The following ALLC variants were observed in gnomAD, a reference collection of about 807,000 sequenced individuals.
ALLC encodes the protein allantoicase, also known as probable inactive allantoicase.
ALLC carries 40 observed loss-of-function variants against 45.0 expected under a neutral mutation model. That is an observed-to-expected ratio of 0.89 (90% CI 0.69 to 1.16). ALLC has a LOEUF of 1.16. Among genes scored for constraint, ALLC ranks in the 50% most tolerant of loss-of-function variants. ALLC has a pLI of 0.00. For synonymous variants in ALLC, 176 were observed against 178.1 expected, an observed-to-expected ratio of 0.99 and a Z score of 0.09; for missense variants, 488 against 493.1, an observed-to-expected ratio of 0.99 and a Z score of 0.10.
At position 3,689,947 on chromosome 2, in the gene ALLC, C is replaced by CA. The variant is rs1558545475; in HGVS notation, c.512-5770_512-5769insA. ...CATTTATCATTATACAGTGTCTTGT[C>CA]TTTTTTTTTTTTTAACAGTCTTTGA... On this transcript the variant is annotated intron_variant, in intron 7 of 11. Transcript: ENST00000252505. Among the ~76,000 whole-genome samples the CA allele has an allele frequency of 2.2e-5, 3 of 137,812 alleles. No individual in the cohort carries two copies. The East Asian group carries it at 7.0e-4, about 32-fold the overall frequency. 90.4% of individuals were successfully genotyped at this position (137,812 alleles called of 152,430 possible). A position where few individuals can be genotyped will look rare whatever the true frequency, so the allele number is the denominator to read the frequency against.
chr2:3,649,952 C>T, the ALLC span, among the ~76,000 whole-genome samples: 8 of 152,248 alleles, frequency 5.3e-5, no homozygotes, highest in Admixed American at 1.3e-4. Context: ...ACTTGCTGCC[C>T]GTAGCTTCCC....
intron 6 of ALLC, among the ~76,000 whole-genome samples, chr2:3,682,331 A>G (rs1043566796): frequency 1.3e-5 from 2 of 152,116 alleles, no homozygotes; most frequent in Non-Finnish European, 2.9e-5. Context: ...TCACCTCACC[A>G]CACCTCAAGG....
At chr2:3,649,852 C>CA in the ALLC span, among the ~76,000 whole-genome samples, 550 of 152,370 alleles carry the variant, frequency 3.6e-3, 6 homozygotes, top group African/African-American at 0.013. Context: ...GGAGAACAAA[C>CA]AGACGCCACA....
Position 3,680,783 on chromosome 2 carries a change from T to C in ALLC, c.298+789T>C, listed in dbSNP as rs559038044. Among the ~76,000 whole-genome samples, 1 of 152,242 alleles carries C rather than the reference T, an allele frequency of 6.6e-6. No individual in the cohort carries two copies. Among genetic ancestry groups the C allele is most frequent in the South Asian group, 2.1e-4 (1 of 4,826 alleles). ...GAAGAGGGCGGTGTGCGTCACAGCC[T>C]CTGATTTGTGCGATAATATCAAGGT... On this transcript the variant is annotated intron_variant, in intron 5 of 11. Transcript: ENST00000252505. This position sits in a 1 kb window ranked among gnomAD's most constrained non-coding sequence, Gnocchi z 4.0.
chr2:3,685,014 C>T (rs1198390968), intron 7 of ALLC, among the ~76,000 whole-genome samples: 1 of 152,174 alleles, frequency 6.6e-6, no homozygotes, highest in Non-Finnish European at 1.5e-5. Context: ...AACAGTGTCA[C>T]AGTAAACTTG....
At chr2:3,659,612 G>A (rs1450734394) in intron 1 of ALLC, among the ~76,000 whole-genome samples, 3 of 152,204 alleles carry the variant, frequency 2.0e-5, no homozygotes, top group East Asian at 1.9e-4. Context: ...AGCCGAGGTC[G>A]CGTGGCTCCT....
chr2:3,671,868 G>A (rs1245096499), intron 2 of ALLC, among the ~76,000 whole-genome samples: 3 of 141,100 alleles, frequency 2.1e-5, no homozygotes, highest in Admixed American at 6.9e-5. Context: ...TAGATGGGAG[G>A]TCCTCTGGCT....
At chr2:3,647,324 TACAC>T in the ALLC span, among the ~76,000 whole-genome samples, 9 of 147,676 alleles carry the variant, frequency 6.1e-5, no homozygotes, top group Middle Eastern at 3.4e-3. Context: ...CACACACACA[TACAC>T]ACACGATTAA....
At chr2:3,682,588 C>T (rs571437905) in intron 6 of ALLC, among the ~76,000 whole-genome samples, 8 of 152,266 alleles carry the variant, frequency 5.3e-5, no homozygotes, top group East Asian at 1.9e-4. Flanking sequence ...TGCAGGGGCG[C>T]GATCTCGGCT....
At chr2:3,673,980 T>C (rs920974594) in intron 2 of ALLC, 95 bp from the exon 3 acceptor site, 31 of 985,340 alleles carry the variant, frequency 3.1e-5, no homozygotes, top group Non-Finnish European at 4.6e-5. Context: ...CACGTTTTCT[T>C]TTTACTTCAT....
At chr2:3,663,769 A>T (rs1333542506) in intron 1 of ALLC, among the ~76,000 whole-genome samples, 1 of 152,258 alleles carries the variant, frequency 6.6e-6, no homozygotes, top group Non-Finnish European at 1.5e-5. Context: ...TTAATAAGAA[A>T]GGATATTGAA....
At position 3,678,572 on chromosome 2, in the gene ALLC, G is replaced by T. The variant is rs142002172; in HGVS notation, c.172+17G>T. On this transcript the variant is annotated intron_variant, in intron 4 of 11. Coordinates refer to ENST00000252505, the MANE Select transcript of ALLC (RefSeq NM_018436.4). Reference sequence around the variant, plus strand: ...GGATTCCAGGTAATAACAACGGTTCGTTCATCGAAGTGCAGCTGACACTGC... The same window carrying T: ...GGATTCCAGGTAATAACAACGGTTCTTTCATCGAAGTGCAGCTGACACTGC... The T allele has an allele frequency of 6.2e-7, 1 of 1,604,350 alleles. No individual in the cohort carries two copies. The highest frequency in any genetic ancestry group is 1.1e-5 in the South Asian group (1 of 90,766).
At chr2:3,662,020 G>A (rs1666589963) in intron 1 of ALLC, among the ~76,000 whole-genome samples, 1 of 150,758 alleles carries the variant, frequency 6.6e-6, no homozygotes, top group South Asian at 2.1e-4. Context: ...GACCTCCCAA[G>A]GCCTCTCTCA....
At chr2:3,691,526 G>A (rs1201977288) in intron 7 of ALLC, among the ~76,000 whole-genome samples, 3 of 151,944 alleles carry the variant, frequency 2.0e-5, no homozygotes, top group African/African-American at 7.3e-5. Flanking sequence ...ACCTCCCAAA[G>A]TGCTGGAATT....
intron 2 of ALLC, among the ~76,000 whole-genome samples, chr2:3,672,022 A>AGGTCCTCTGGCTCTAGTTAGACCTGT (rs1666889990): frequency 1.0e-5 from 1 of 99,670 alleles, no homozygotes; most frequent in Non-Finnish European, 2.0e-5. Context: ...GTTAGATCCG[A>AGGTCCTCTGGCTCTAGTTAGACCTGT]GGTCCTCTGG....
At chr2:3,655,652 G>T (rs1666421374), upstream of ALLC, among the ~76,000 whole-genome samples, 1 of 152,074 alleles carries the variant, frequency 6.6e-6, no homozygotes, top group African/African-American at 2.4e-5. Flanking sequence ...CAGAGATGGG[G>T]TCTCACTGTG....
At chr2:3,673,443 G>T (rs1016397513) in intron 2 of ALLC, among the ~76,000 whole-genome samples, 1 of 152,214 alleles carries the variant, frequency 6.6e-6, no homozygotes, top group Non-Finnish European at 1.5e-5. Context: ...GAAACAGCTC[G>T]TCCTTCCTGC....
intron 1 of ALLC, among the ~76,000 whole-genome samples, chr2:3,666,191 G>T (rs1572506418): frequency 6.6e-6 from 1 of 152,264 alleles, no homozygotes; most frequent in East Asian, 1.9e-4. Flanking sequence ...CCACAGGGGG[G>T]TGGCTGGGAG....
chr2:3,680,112 C>A lies in ALLC; in HGVS notation c.298+118C>A. Reference sequence around the variant, plus strand: ...CACCCAGACAGCTTCAGGCGCTTGACTAAGGCTACTTTACTGTAACGGGGC... The same window carrying A: ...CACCCAGACAGCTTCAGGCGCTTGAATAAGGCTACTTTACTGTAACGGGGC... On this transcript the variant is annotated intron_variant, in intron 5 of 11. Transcript: ENST00000252505. The surrounding 1 kb of genome is among the most constrained non-coding windows in gnomAD (Gnocchi z 4.0). 1 of 1,402,500 alleles carries A rather than the reference C, an allele frequency of 7.1e-7. No individual in the cohort carries two copies. Among genetic ancestry groups the A allele is most frequent in the Non-Finnish European group, 9.8e-7 (1 of 1,015,522 alleles). The allele number at this position is 1,402,500 out of a possible 1,614,324, so 86.9% of individuals were successfully genotyped here. A position where few individuals can be genotyped will look rare whatever the true frequency, so the allele number is the denominator to read the frequency against.
Sources: gnomAD v4.1 joint callset for allele counts (sites outside exome capture counted in the v4.1 genomes callset) on GRCh38, gnomAD v4.1.1 for gene constraint, Gnocchi (gnomAD v3.1) non-coding constraint, MANE v1.5 for transcripts, NCBI Gene and HGNC (gene_info 2026-07-23, HGNC 2026-07-21) for gene names.